DAG1: variants seen among roughly 807,000 people sequenced by gnomAD.
DAG1 encodes dystroglycan 1 (dystrophin-associated glycoprotein 1).
In DAG1, 8 loss-of-function variants were observed where a neutral mutation model predicts 46.1. The observed-to-expected ratio is 0.17, with a 90% CI of 0.10 to 0.31. The LOEUF (loss-of-function observed/expected upper bound fraction) is 0.31, where lower values mean the gene tolerates loss of function less well. Ranked by LOEUF, DAG1 falls within the 10% of genes least tolerant of loss-of-function variation. The pLI is 1.00. For synonymous variants in DAG1, 495 were observed against 481.8 expected, an observed-to-expected ratio of 1.03 and a Z score of -0.36; for missense variants, 1,003 against 1,189.9, an observed-to-expected ratio of 0.84 and a Z score of 2.31.
chr3:49,490,809 A>C (rs1436598060), intron 1 of DAG1, among the ~76,000 whole-genome samples: 3 of 149,646 alleles, frequency 2.0e-5, no homozygotes. Flanking sequence ...AGTGCAAGCT[A>C]TCTGCCCTTC....
rs561811827 is a variant in DAG1 at position 49,482,001 on chromosome 3, T to C, written c.-117+11568T>C. 6.6e-5 allele frequency among the ~76,000 whole-genome samples: 10 copies of C among 152,336 alleles called. No individual in the cohort carries two copies. The East Asian group carries it at 1.7e-3, about 26-fold the overall frequency. On this transcript the variant is annotated intron_variant, in intron 1 of 2. Coordinates refer to ENST00000308775, the MANE Select transcript of DAG1 (RefSeq NM_004393.6). ...ATCATCGTCATCATTTCCTAAATGT[T>C]AGAACAACTATTTTCATACCATTTA...
chr3:49,489,144 G>A (rs2050115720), intron 1 of DAG1, among the ~76,000 whole-genome samples: 1 of 151,430 alleles, frequency 6.6e-6, no homozygotes, highest in African/African-American at 2.4e-5. Context: ...TGCCCAGGCT[G>A]GAGTGCAATG....
At position 49,531,288 on chromosome 3, in the gene DAG1, C is replaced by T. The variant is rs1411932925; in HGVS notation, c.777C>T (p.Ser259=). ...KKVVENGALL[S]WKLGCSLNQN... ...TGGTGGAGAATGGGGCCCTTCTCTCCTGGAAGCTGGGCTGCTCCCTGAACC... is the reference window on the plus strand; with the variant it reads ...TGGTGGAGAATGGGGCCCTTCTCTCTTGGAAGCTGGGCTGCTCCCTGAACC... The change falls in exon 3 of 3, where the codon TCC becomes TCT. Residue 259 remains serine, a synonymous_variant. Transcript: ENST00000308775. The surrounding 1 kb of genome is among the most constrained non-coding windows in gnomAD (Gnocchi z 7.0). 34 of 1,614,064 alleles carry T rather than the reference C, an allele frequency of 2.1e-5. No individual in the cohort carries two copies. Among genetic ancestry groups the T allele is most frequent in the Non-Finnish European group, 2.8e-5 (33 of 1,180,032 alleles).
At chr3:49,517,590 T>C (rs1315387180) in intron 2 of DAG1, among the ~76,000 whole-genome samples, 1 of 152,168 alleles carries the variant, frequency 6.6e-6, no homozygotes, top group African/African-American at 2.4e-5. Context: ...GAAGCTGACC[T>C]ATCATTGGGC....
intron 2 of DAG1, among the ~76,000 whole-genome samples, chr3:49,518,256 A>C (rs2050945422): frequency 6.6e-6 from 1 of 152,220 alleles, no homozygotes; most frequent in South Asian, 2.1e-4. Context: ...CATAGTTGTC[A>C]TACTTGCTGA....
Position 49,525,651 on chromosome 3 carries a change from G to A in DAG1, c.286-5146G>A, listed in dbSNP as rs1023335507. Reference sequence around the variant, plus strand: ...CGGCTCACTGCAGGCTCCGCCCCCCGGGTTCACTGCCATTCTCCTGCCTCA... The same window carrying A: ...CGGCTCACTGCAGGCTCCGCCCCCCAGGTTCACTGCCATTCTCCTGCCTCA... On this transcript the variant is annotated intron_variant, in intron 2 of 2. Coordinates refer to ENST00000308775, the MANE Select transcript of DAG1 (RefSeq NM_004393.6). Among the ~76,000 whole-genome samples the A allele has an allele frequency of 9.9e-5, 15 of 151,390 alleles. 1 individual carries two copies. In the Middle Eastern group the frequency reaches 0.01, roughly 104 times the overall value.
chr3:49,491,930 C>A (rs1164562553), intron 1 of DAG1, among the ~76,000 whole-genome samples: 1 of 137,368 alleles, frequency 7.3e-6, no homozygotes, highest in Non-Finnish European at 1.6e-5. Context: ...CAAGTCTATT[C>A]TTTTTTTTTT....
At chr3:49,497,976 CTTTG>C (rs1453423072) in intron 1 of DAG1, among the ~76,000 whole-genome samples, 1 of 152,146 alleles carries the variant, frequency 6.6e-6, no homozygotes, top group Non-Finnish European at 1.5e-5. Context: ...AGCCACTGCC[CTTTG>C]TTTATCTGTG....
At chr3:49,487,565 C>G (rs2050068741) in intron 1 of DAG1, 1 of 152,196 alleles carries the variant, frequency 6.6e-6, no homozygotes, top group African/African-American at 2.4e-5. Context: ...TACCCCTGAG[C>G]CCTGAGTTCT....
Position 49,532,552 on chromosome 3 carries a change from A to T in DAG1, c.2041A>T (p.Ile681Phe). ...KEQIAGLSRRIAEDDGKPRPA... is the reference protein window; with the variant it reads ...KEQIAGLSRRFAEDDGKPRPA... ...GCAGATCGCTGGGCTGAGCCGCCGGATCGCTGAGGATGATGGAAAACCTCG... is the reference window on the plus strand; with the variant it reads ...GCAGATCGCTGGGCTGAGCCGCCGGTTCGCTGAGGATGATGGAAAACCTCG... Residue 681 changes from isoleucine (I) to phenylalanine (F), a missense_variant, in exon 3 of 3, where the codon ATC becomes TTC. Ile to Phe is a conservative substitution (Grantham distance 21, BLOSUM62 0). This residue lies in a region of DAG1 where 755 missense variants were observed against 854.1 expected (regional missense o/e 0.88). Transcript: ENST00000308775. The surrounding 1 kb of genome is among the most constrained non-coding windows in gnomAD (Gnocchi z 5.4). 6.2e-7 allele frequency: 1 copy of T among 1,613,044 alleles called. No individual in the cohort carries two copies. Among genetic ancestry groups the T allele is most frequent in the African/African-American group, 1.3e-5 (1 of 75,000 alleles).
At chr3:49,479,952 CT>C (rs1265876485) in intron 1 of DAG1, among the ~76,000 whole-genome samples, 212 of 90,646 alleles carry the variant, frequency 2.3e-3, no homozygotes, top group Middle Eastern at 0.02. Context: ...ATATAACATT[CT>C]TTTTTTTTTT....
intron 1 of DAG1, among the ~76,000 whole-genome samples, chr3:49,505,897 C>T (rs1575380211): frequency 1.3e-5 from 2 of 150,208 alleles, no homozygotes; most frequent in Non-Finnish European, 3.0e-5. Context: ...CTCGAACTCC[C>T]GACCTCAGGT....
At chr3:49,497,005 T>A (rs1232289826) in intron 1 of DAG1, among the ~76,000 whole-genome samples, 1 of 151,884 alleles carries the variant, frequency 6.6e-6, no homozygotes, top group Non-Finnish European at 1.5e-5. Flanking sequence ...CCATTAAAAA[T>A]GTTTTTTTTA....
chr3:49,505,183 T>C (rs2050571700), intron 1 of DAG1, among the ~76,000 whole-genome samples: 2 of 151,884 alleles, frequency 1.3e-5, no homozygotes, highest in Admixed American at 6.6e-5. Flanking sequence ...GGTCTTACTG[T>C]GTTGCCCAGA....
chr3:49,531,078 T>A lies in DAG1; in HGVS notation c.567T>A (p.Thr189=). Residue 189 remains threonine (T), a synonymous_variant, in exon 3 of 3, where the codon ACT becomes ACA. Coordinates refer to ENST00000308775, the MANE Select transcript of DAG1 (RefSeq NM_004393.6). The surrounding 1 kb of genome is among the most constrained non-coding windows in gnomAD (Gnocchi z 7.0). ...SSACAADEPV[T]VLTVILDADL... ...CCTGTGCTGCGGATGAACCTGTGAC[T>A]GTTTTGACGGTGATTTTGGATGCCG... 6.2e-7 allele frequency: 1 copy of A among 1,614,176 alleles called. No homozygotes were observed. The highest frequency in any genetic ancestry group is 1.6e-4 in the Middle Eastern group (1 of 6,062).
At position 49,532,180 on chromosome 3, in the gene DAG1, A is replaced by C. The variant is rs896798640; in HGVS notation, c.1669A>C (p.Asn557His). 6.2e-7 allele frequency: 1 copy of C among 1,614,242 alleles called. No individual in the cohort carries two copies. Among genetic ancestry groups the C allele is most frequent in the Admixed American group, 1.7e-5 (1 of 60,024 alleles). Residue 557 changes from asparagine (N) to histidine (H), a missense_variant, in exon 3 of 3, where the codon AAC becomes CAC. Physicochemically the swap from Asn to His is moderately conservative, Grantham distance 68. Around this residue, in one of 3 missense-constraint regions of DAG1, gnomAD observed 755 missense variants for 854.1 expected, o/e 0.88. Transcript: ENST00000308775. This position sits in a 1 kb window ranked among gnomAD's most constrained non-coding sequence, Gnocchi z 5.4. The stretch of plus-strand genomic sequence containing the variant: ...GAAGTCCTGGGTACAGTTCAACAGC[A>C]ACAGCCAGCTCATGTATGGCCTTCC... ...GEKSWVQFNS[N>H]SQLMYGLPDS... is the part of the protein sequence containing the mutation.
chr3:49,476,417 C>T (rs1328144355), intron 1 of DAG1, among the ~76,000 whole-genome samples: 1 of 151,906 alleles, frequency 6.6e-6, no homozygotes, highest in African/African-American at 2.4e-5. Flanking sequence ...TGGTGAAACC[C>T]CTTCTTTACT....
At chr3:49,479,349 G>A (rs1184941466) in intron 1 of DAG1, among the ~76,000 whole-genome samples, 2 of 146,802 alleles carry the variant, frequency 1.4e-5, no homozygotes, top group Non-Finnish European at 3.0e-5. Context: ...TCTCTCTGTT[G>A]CCCAGGCTGG....
At chr3:49,496,814 A>C (rs1423573673) in intron 1 of DAG1, among the ~76,000 whole-genome samples, 1 of 151,742 alleles carries the variant, frequency 6.6e-6, no homozygotes, top group Non-Finnish European at 1.5e-5. Flanking sequence ...TTTAGTAGAG[A>C]TGGGGTTTCA....
Sources: allele counts gnomAD v4.1 joint callset (sites outside exome capture counted in the v4.1 genomes callset), GRCh38; gene constraint gnomAD v4.1.1; regional missense constraint gnomAD v4.1.1; non-coding constraint Gnocchi (gnomAD v3.1); transcripts MANE v1.5; gene names NCBI Gene and HGNC (gene_info 2026-07-23, HGNC 2026-07-21).